The following MTA3 variants were observed in gnomAD, a reference collection of about 807,000 sequenced individuals.
MTA3 encodes metastasis associated 1 family member 3.
A neutral mutation model predicts 83.5 loss-of-function variants in MTA3; 34 were observed. The ratio of observed to expected loss-of-function variants is 0.41; its 90% CI spans 0.31 to 0.54. The LOEUF is 0.54. Ranked by LOEUF, MTA3 falls within the 20% of genes least tolerant of loss-of-function variation. MTA3 has a pLI of 0.33. For synonymous variants in MTA3, 303 were observed against 252.7 expected (o/e 1.20, Z -1.89); for missense variants, 761 against 726.4 (o/e 1.05, Z -0.55).
At chr2:42,505,899 G>T (rs1674608686) in intron 2 of MTA3, among the ~76,000 whole-genome samples, 1 of 151,520 alleles carries the variant, frequency 6.6e-6, no homozygotes. Context: ...CTCCCGAGTA[G>T]CTGGGATTAC....
At chr2:42,655,310 A>G (rs1374199781) in intron 6 of MTA3, among the ~76,000 whole-genome samples, 1 of 152,134 alleles carries the variant, frequency 6.6e-6, no homozygotes, top group East Asian at 1.9e-4. Flanking sequence ...CTCTCATTCC[A>G]TAAAGTACTC....
intron 4 of MTA3, among the ~76,000 whole-genome samples, chr2:42,639,936 C>T (rs1327424519): frequency 6.6e-6 from 1 of 152,024 alleles, no homozygotes; most frequent in Non-Finnish European, 1.5e-5. Flanking sequence ...GATTTATTGC[C>T]TAACACAATT....
intron 2 of MTA3, among the ~76,000 whole-genome samples, chr2:42,562,380 T>C (rs1677710565): frequency 6.6e-6 from 1 of 152,180 alleles, no homozygotes; most frequent in South Asian, 2.1e-4. Context: ...TCAGGCTGTG[T>C]CCCTTTCCGT....
rs143962762 is a variant in MTA3, at chr2:42,686,565, C to T, written c.891+3976C>T. ...ACAGTCTGGGCATGGTGGCTCATGCCTGTAATCCCAACACTTTGGGAGGCC... is the reference window on the plus strand; with the variant it reads ...ACAGTCTGGGCATGGTGGCTCATGCTTGTAATCCCAACACTTTGGGAGGCC... On this transcript the variant is annotated intron_variant, in intron 9 of 16. Transcript: ENST00000405094. Among the ~76,000 whole-genome samples, 845 of 151,960 alleles carry T rather than the reference C, an allele frequency of 5.6e-3. 5 individuals are homozygous for T. Among genetic ancestry groups the T allele is most frequent in the African/African-American group, 0.019 (797 of 41,444 alleles).
intron 2 of MTA3, among the ~76,000 whole-genome samples, chr2:42,561,011 C>T (rs1458679317): frequency 6.6e-6 from 1 of 152,126 alleles, no homozygotes; most frequent in Non-Finnish European, 1.5e-5. Context: ...TTACCATGGC[C>T]CACCGGTCCC....
intron 16 of MTA3, among the ~76,000 whole-genome samples, chr2:42,751,252 A>G (rs1476353793): frequency 6.6e-6 from 1 of 151,362 alleles, no homozygotes; most frequent in East Asian, 1.9e-4. Flanking sequence ...TTTGCAAAAA[A>G]CAAACAAACA....
intron 16 of MTA3, among the ~76,000 whole-genome samples, chr2:42,744,041 T>C (rs571930229): frequency 3.9e-5 from 6 of 152,240 alleles, no homozygotes; most frequent in Non-Finnish European, 7.3e-5. Context: ...CATAACCTGG[T>C]TAAATATATT....
At chr2:42,622,709 C>T (rs2104203680) in intron 4 of MTA3, among the ~76,000 whole-genome samples, 1 of 149,926 alleles carries the variant, frequency 6.7e-6, no homozygotes, top group African/African-American at 2.5e-5. Flanking sequence ...CCAGGCTGAT[C>T]TTCAACTCCT....
intron 4 of MTA3, among the ~76,000 whole-genome samples, chr2:42,625,868 T>A (rs1170712936): frequency 6.6e-6 from 1 of 151,536 alleles, no homozygotes; most frequent in Non-Finnish European, 1.5e-5. Flanking sequence ...TCAAGTTCAG[T>A]TGTTGATTTT....
At chr2:42,494,743 G>A in exon 1 of MTA3, 1 of 152,582 alleles carries the variant, frequency 6.6e-6, no homozygotes, top group Non-Finnish European at 1.5e-5. Context: ...CTTGTCACCG[G>A]CAAAAACAGC....
At chr2:42,516,060 A>C (rs1269902987) in intron 2 of MTA3, among the ~76,000 whole-genome samples, 8 of 150,940 alleles carry the variant, frequency 5.3e-5, no homozygotes, top group African/African-American at 1.9e-4. Context: ...GATTACAGGC[A>C]CCCGCCACCA....
At chr2:42,548,871 TATATAA>T (rs1472893082) in intron 2 of MTA3, among the ~76,000 whole-genome samples, 163 of 14,434 alleles carry the variant, frequency 0.011, 19 homozygotes, top group African/African-American at 0.068. Context: ...TATATATATA[TATATAA>T]TATATATATA....
In MTA3 at chr2:42,608,282, A is replaced by G. The variant is rs12616630; in HGVS notation, c.191-1176A>G. On this transcript the variant is annotated intron_variant, in intron 3 of 16. Transcript: ENST00000405094. ...TTGTATGTGATATTTTCTAGTGCTA[A>G]TAGTGCCAATGCAGCAGCAACTTTA... Among the ~76,000 whole-genome samples, 152 of 152,358 alleles carry G rather than the reference A, an allele frequency of 1.0e-3. 2 individuals carry two copies. In the East Asian group the frequency reaches 0.027, roughly 27 times the overall value.
At chr2:42,577,105 A>AAAAAATATAT (rs1211189566) in intron 2 of MTA3, among the ~76,000 whole-genome samples, 12 of 86,914 alleles carry the variant, frequency 1.4e-4, no homozygotes, top group African/African-American at 6.0e-4. Context: ...AAAAAAAAAA[A>AAAAAATATAT]ATATATATAT....
intron 2 of MTA3, among the ~76,000 whole-genome samples, chr2:42,548,835 TATATATATATA>T (rs1396105544): frequency 4.1e-4 from 6 of 14,616 alleles, no homozygotes; most frequent in East Asian, 4.5e-3. Flanking sequence ...ATATAATATA[TATATATATATA>T]ATATATATAT....
chr2:42,654,866 C>T (rs553255605), intron 6 of MTA3, among the ~76,000 whole-genome samples: 3 of 152,238 alleles, frequency 2.0e-5, no homozygotes, highest in African/African-American at 7.2e-5. Context: ...TCCTCCTGCC[C>T]CAGCTTCCCA....
At chr2:42,720,290 C>T (rs1482120036) in intron 15 of MTA3, among the ~76,000 whole-genome samples, 1 of 152,130 alleles carries the variant, frequency 6.6e-6, no homozygotes, top group South Asian at 2.1e-4. Context: ...TCACGCCATT[C>T]TCCTGCCTCA....
chr2:42,603,637 C>G (rs920477116), intron 3 of MTA3, among the ~76,000 whole-genome samples: 1 of 152,118 alleles, frequency 6.6e-6, no homozygotes, highest in African/African-American at 2.4e-5. Flanking sequence ...AAAACTCATA[C>G]TTAGCCAATT....
rs969402668 is a variant in MTA3 at position 42,682,572 on chromosome 2, G to C, written c.874G>C (p.Asp292His). 1 of 1,611,086 alleles carries C rather than the reference G, an allele frequency of 6.2e-7. No homozygotes were observed. The highest frequency in any genetic ancestry group is 8.5e-7 in the Non-Finnish European group (1 of 1,178,726). ...GGAAAAATATGGCAAAGACTTCAAT[G>C]ACATACGGCAAGATTTTGTAAGTAG... ...ALEKYGKDFN[D>H]IRQDFLPWKS... Residue 292 changes from aspartate to histidine, a missense_variant, in exon 9 of 17, where the codon GAC becomes CAC. By Grantham distance (81) the Asp-to-His change is moderately conservative. Coordinates refer to ENST00000405094, the MANE Select transcript of MTA3 (RefSeq NM_001330442.2).
Sources: allele counts gnomAD v4.1 joint callset (sites outside exome capture counted in the v4.1 genomes callset), GRCh38; gene constraint gnomAD v4.1.1; transcripts MANE v1.5; gene names NCBI Gene and HGNC (gene_info 2026-07-23, HGNC 2026-07-21).